Variants in TMEM181 observed in about 807,000 individuals in gnomAD.
TMEM181 encodes transmembrane protein 181, also known as G protein-coupled receptor 178.
Under a neutral mutation model 71.9 loss-of-function variants are expected in TMEM181, and 39 were observed. The ratio of observed to expected loss-of-function variants is 0.54; its 90% confidence interval spans 0.42 to 0.71. The LOEUF (loss-of-function observed/expected upper bound fraction) is 0.71, where lower values mean the gene tolerates loss of function less well. Ranked by LOEUF, TMEM181 falls within the 30% of genes least tolerant of loss-of-function variation. TMEM181 has a pLI of 0.00. For synonymous variants in TMEM181, 245 were observed against 228.8 expected, an observed-to-expected ratio of 1.07 and a Z score of -0.64; for missense variants, 595 against 583.0, an observed-to-expected ratio of 1.02 and a Z score of -0.21.
chr6:158,571,379 A>AGCC (rs1782822868), intron 1 of TMEM181, among the ~76,000 whole-genome samples: 2 of 129,384 alleles, frequency 1.5e-5, no homozygotes, highest in Non-Finnish European at 3.3e-5. Context: ...TATAGGCGTG[A>AGCC]TCTGCCCGCC....
chr6:158,615,966 G>C (rs1413400693), intron 10 of TMEM181, among the ~76,000 whole-genome samples: 2 of 152,064 alleles, frequency 1.3e-5, no homozygotes, highest in Admixed American at 1.3e-4. Context: ...TGGCAATGTG[G>C]GCTCTTTTTT....
rs1481354620 is a variant in TMEM181, at chr6:158,635,289, CG to C, written c.*3402del. ...CCATGTGTTCAGTTGTGGACCTGTC[CG>C]TGGGGCACAGTGCCACCCCATCACA... On this transcript the variant is annotated 3_prime_UTR_variant, in exon 17 of 17. Transcript: ENST00000684151. The C allele has an allele frequency of 6.6e-6, 1 of 152,178 alleles. No individual in the cohort carries two copies. The highest frequency in any genetic ancestry group is 2.4e-5 in the African/African-American group (1 of 41,430). 9.4% of individuals were successfully genotyped at this position (152,178 alleles called of 1,614,324 possible).
At chr6:158,595,747 G>C (rs1426419911) in intron 6 of TMEM181, among the ~76,000 whole-genome samples, 1 of 152,082 alleles carries the variant, frequency 6.6e-6, no homozygotes, top group Non-Finnish European at 1.5e-5. Context: ...CTGTGCTGTT[G>C]AATCAGGGTT....
chr6:158,632,095 CATTGATAACAAGTT>C lies in TMEM181; in HGVS notation c.*208_*221del. On this transcript the variant is annotated 3_prime_UTR_variant, in exon 17 of 17. Coordinates refer to ENST00000684151, the MANE Select transcript of TMEM181 (RefSeq NM_001376852.1). ...TTGTCATGGTGGCTACGAGAAGAGGCATTGATAACAAGTTTCAACAGCCAAATCCTTTTTTACAG... is the reference window on the plus strand; with the variant it reads ...TTGTCATGGTGGCTACGAGAAGAGGCTCAACAGCCAAATCCTTTTTTACAG... The C allele has an allele frequency of 1.8e-6, 1 of 549,654 alleles. No individual in the cohort carries two copies. 34.0% of individuals were successfully genotyped at this position (549,654 alleles called of 1,614,324 possible). A position where few individuals can be genotyped will look rare whatever the true frequency, so the allele number is the denominator to read the frequency against.
chr6:158,602,481 C>T (rs1354167095), intron 6 of TMEM181, among the ~76,000 whole-genome samples: 3 of 152,244 alleles, frequency 2.0e-5, no homozygotes, highest in South Asian at 2.1e-4. Context: ...CTTTATGTTA[C>T]ACCAGTAGCG....
chr6:158,551,192 C>T (rs1191468174), intron 1 of TMEM181, among the ~76,000 whole-genome samples: 1 of 152,084 alleles, frequency 6.6e-6, no homozygotes, highest in African/African-American at 2.4e-5. Flanking sequence ...AATCTCCTGA[C>T]CTCGTGATCC....
chr6:158,572,083 C>T (rs572569769), intron 1 of TMEM181, among the ~76,000 whole-genome samples: 58 of 152,380 alleles, frequency 3.8e-4, no homozygotes, highest in Non-Finnish European at 7.3e-4. Context: ...GCTCACTGCC[C>T]AGGTGGCCAT....
Position 158,595,635 on chromosome 6 carries a change from A to C in TMEM181, c.492+5853A>C, listed in dbSNP as rs561813289. Reference sequence around the variant, plus strand: ...TTCATAGCTTCATGTAATGTCATGGAGGACTTTCTGAAGCATAATGTTGAA... The same window carrying C: ...TTCATAGCTTCATGTAATGTCATGGCGGACTTTCTGAAGCATAATGTTGAA... On this transcript the variant is annotated intron_variant, in intron 6 of 16. Transcript: ENST00000684151. Among the ~76,000 whole-genome samples the C allele has an allele frequency of 1.2e-4, 18 of 152,350 alleles. 1 individual carries two copies. In the South Asian group the frequency reaches 3.7e-3, roughly 32 times the overall value.
Position 158,587,455 on chromosome 6 carries a change from T to C in TMEM181, c.381+2030T>C, listed in dbSNP as rs140463502. 5.6e-3 allele frequency among the ~76,000 whole-genome samples: 856 copies of C among 152,174 alleles called. 11 individuals are homozygous for C. The highest frequency in any genetic ancestry group is 0.014 in the East Asian group (70 of 5,178). On this transcript the variant is annotated intron_variant, in intron 5 of 16. Transcript: ENST00000684151. Reference sequence around the variant, plus strand: ...AGCATTGCCCTGGCTTTAAAAAACATGGAATTTTTACATTACAGAGATATT... The same window carrying C: ...AGCATTGCCCTGGCTTTAAAAAACACGGAATTTTTACATTACAGAGATATT...
chr6:158,593,965 T>C (rs1426060163), intron 6 of TMEM181, among the ~76,000 whole-genome samples: 1 of 152,160 alleles, frequency 6.6e-6, no homozygotes. Context: ...GTACATTCTG[T>C]AGGATCCACT....
At chr6:158,575,269 G>A (rs886987237) in intron 2 of TMEM181, among the ~76,000 whole-genome samples, 1 of 152,140 alleles carries the variant, frequency 6.6e-6, no homozygotes, top group Non-Finnish European at 1.5e-5. Context: ...AGTACCTTAG[G>A]GACTATTGGC....
At chr6:158,541,543 C>T (rs143101767) in intron 1 of TMEM181, among the ~76,000 whole-genome samples, 3 of 152,348 alleles carry the variant, frequency 2.0e-5, no homozygotes, top group African/African-American at 4.8e-5. Context: ...GGCAGCCAGG[C>T]GCCACGTCTC....
chr6:158,624,243 C>T (rs1436822477), intron 11 of TMEM181, among the ~76,000 whole-genome samples: 1 of 152,132 alleles, frequency 6.6e-6, no homozygotes, highest in Admixed American at 6.5e-5. Flanking sequence ...AAGGAGACAC[C>T]GGAGAGCAGA....
intron 10 of TMEM181, chr6:158,611,071 T>A (rs1482258293): frequency 2.1e-6 from 1 of 469,380 alleles, no homozygotes; most frequent in Non-Finnish European, 4.2e-6. Flanking sequence ...ACTCGAGGGG[T>A]GGAGAGCATT....
intron 1 of TMEM181, among the ~76,000 whole-genome samples, chr6:158,568,506 G>A (rs1782638455): frequency 6.6e-6 from 1 of 152,120 alleles, no homozygotes; most frequent in Non-Finnish European, 1.5e-5. Context: ...GGGAAGGCCT[G>A]GGGTCAGGGA....
chr6:158,607,876 C>G (rs938152469), intron 8 of TMEM181, among the ~76,000 whole-genome samples: 1 of 152,236 alleles, frequency 6.6e-6, no homozygotes, highest in Non-Finnish European at 1.5e-5. Flanking sequence ...ACAGACACAG[C>G]AGTCCTGGAA....
At chr6:158,571,135 T>C (rs540889433) in intron 1 of TMEM181, among the ~76,000 whole-genome samples, 10 of 151,396 alleles carry the variant, frequency 6.6e-5, no homozygotes, top group South Asian at 4.1e-4. Context: ...CTCGTTCTGT[T>C]GCCCAGGCTG....
intron 1 of TMEM181, among the ~76,000 whole-genome samples, chr6:158,542,868 G>GTTTTTTTTTTTTT (rs61401561): frequency 4.1e-5 from 3 of 73,500 alleles, no homozygotes; most frequent in Non-Finnish European, 7.2e-5. Flanking sequence ...CTCCAGAGTG[G>GTTTTTTTTTTTTT]TTTTTTTTTT....
rs181421210 is a variant in TMEM181, at chr6:158,581,480, G to A, written c.168+485G>A. On this transcript the variant is annotated intron_variant, in intron 3 of 16. Transcript: ENST00000684151. ...AAAATACACCTTAACTTGGCCAGGT[G>A]AGGTGGCTCATGCCTGTAATCCCAG... Among the ~76,000 whole-genome samples the A allele has an allele frequency of 3.9e-5, 6 of 152,304 alleles. No homozygotes were observed. In the East Asian group the frequency reaches 1.2e-3, roughly 29 times the overall value.
Sources: allele counts gnomAD v4.1 joint callset (sites outside exome capture counted in the v4.1 genomes callset), GRCh38; gene constraint gnomAD v4.1.1; transcripts MANE v1.5; gene names NCBI Gene and HGNC (gene_info 2026-07-23, HGNC 2026-07-21).